USP7: variants seen among roughly 807,000 people sequenced by gnomAD.
USP7 encodes ubiquitin C-terminal hydrolase 7.
USP7 carries 9 observed loss-of-function variants against 162.9 expected under a neutral mutation model. The ratio of observed to expected loss-of-function variants is 0.06; its 90% CI spans 0.03 to 0.10. The LOEUF (loss-of-function observed/expected upper bound fraction) is 0.10. USP7 is among the 10% of genes least tolerant of loss of function. The probability of loss-of-function intolerance (pLI) is 1.00; values close to 1 mark genes in which losing one functional copy is unlikely to be tolerated. For synonymous variants in USP7, 562 were observed against 475.9 expected, an observed-to-expected ratio of 1.18 and a Z score of -2.35; for missense variants, 715 against 1,373.7, an observed-to-expected ratio of 0.52 and a Z score of 7.58.
intron 1 of USP7, among the ~76,000 whole-genome samples, chr16:8,961,510 G>GGT (rs1434841328): frequency 2.3e-5 from 3 of 132,442 alleles, no homozygotes; most frequent in Admixed American, 1.5e-4. Context: ...AAAAAGGGGG[G>GGT]GGGGGGCAAA....
At chr16:8,956,024 G>C (rs926209805) in intron 1 of USP7, among the ~76,000 whole-genome samples, 4 of 152,094 alleles carry the variant, frequency 2.6e-5, no homozygotes, top group Admixed American at 2.6e-4. Context: ...CGCAATACAA[G>C]TCACACTACC....
rs2061742919 is a variant in USP7, at chr16:8,899,596, T to G, written c.2463+8A>C. The G allele has an allele frequency of 6.2e-7, 1 of 1,613,170 alleles. No homozygotes were observed. Among genetic ancestry groups the G allele is most frequent in the Admixed American group, 1.7e-5 (1 of 59,936 alleles). On this transcript the variant is annotated splice_region_variant and intron_variant, in intron 22 of 30. Coordinates refer to ENST00000344836, the MANE Select transcript of USP7 (RefSeq NM_003470.3). ...GATCTGAAGAGGAAAGGAGCATTTATTAAATACCTGAAAATAATTCATTCT... is the reference window on the plus strand; with the variant it reads ...GATCTGAAGAGGAAAGGAGCATTTAGTAAATACCTGAAAATAATTCATTCT...
intron 13 of USP7, among the ~76,000 whole-genome samples, chr16:8,905,700 A>C (rs987513494): frequency 2.0e-5 from 3 of 152,212 alleles, no homozygotes; most frequent in African/African-American, 7.2e-5. Context: ...ACCAAACGAG[A>C]GTTCAAATTT....
rs1200678216 is a variant in USP7 at position 8,963,758 on chromosome 16, A to C, written c.-473T>G. Among the ~76,000 whole-genome samples the C allele has an allele frequency of 7.3e-6, 1 of 137,298 alleles. No individual in the cohort carries two copies. Among genetic ancestry groups the C allele is most frequent in the Non-Finnish European group, 1.6e-5 (1 of 63,060 alleles). The allele number at this position is 137,298 out of a possible 152,430, so 90.1% of individuals were successfully genotyped here. A position where few individuals can be genotyped will look rare whatever the true frequency, so the allele number is the denominator to read the frequency against. ...GCCTGCGGGCCCTGGGGCCGGCGGG[A>C]GCGGCGGAGCGGGCGGGCGACGGGC... On this transcript the variant is annotated 5_prime_UTR_variant, in exon 1 of 31. Transcript: ENST00000344836.
Position 8,893,256 on chromosome 16 carries a change from T to C in USP7, c.*742A>G, listed in dbSNP as rs1350669142. 2 of 152,252 alleles carry C rather than the reference T, an allele frequency of 1.3e-5. No individual in the cohort carries two copies. The highest frequency in any genetic ancestry group is 1.3e-4 in the Admixed American group (2 of 15,286). 9.4% of individuals were successfully genotyped at this position (152,252 alleles called of 1,614,324 possible). ...TATTTATAATCCTTTCACCTGCTCG[T>C]ATGAACTGTTGAGATCGTAAGTCTG... On this transcript the variant is annotated 3_prime_UTR_variant, in exon 31 of 31. Transcript: ENST00000344836.
At chr16:8,902,045 T>C in intron 18 of USP7, 37 bp downstream of exon 18, 2 of 1,544,106 alleles carry the variant, frequency 1.3e-6, no homozygotes, top group Non-Finnish European at 1.8e-6. Context: ...CCAACGCTAC[T>C]GCTCTAAGTG....
intron 12 of USP7, among the ~76,000 whole-genome samples, chr16:8,907,065 G>A (rs1414344925): frequency 3.3e-5 from 5 of 152,180 alleles, no homozygotes; most frequent in Non-Finnish European, 5.9e-5. Flanking sequence ...TTAGACGGGT[G>A]GGGGCTGGTC....
intron 18 of USP7, among the ~76,000 whole-genome samples, chr16:8,901,482 A>G (rs2061773412): frequency 6.6e-6 from 1 of 152,204 alleles, no homozygotes; most frequent in Admixed American, 6.5e-5. Flanking sequence ...TAGACAGTCA[A>G]GACGGTACTG....
intron 22 of USP7, 88 bp from the exon 23 acceptor site, chr16:8,899,276 G>A (rs1410391950): frequency 7.7e-6 from 10 of 1,302,256 alleles, no homozygotes; most frequent in East Asian, 2.3e-5. Context: ...AATGTGCCAT[G>A]AGCAGCCTGA....
chr16:8,959,066 T>C (rs1289228744), intron 1 of USP7, among the ~76,000 whole-genome samples: 3 of 152,202 alleles, frequency 2.0e-5, no homozygotes, highest in Non-Finnish European at 4.4e-5. Context: ...GGCAACACCA[T>C]GTGCTGAACA....
rs1246698435 is a variant in USP7 at position 8,904,299 on chromosome 16, C to T, written c.1704+136G>A. On this transcript the variant is annotated intron_variant, in intron 15 of 30. Transcript: ENST00000344836. Reference sequence around the variant, plus strand: ...CCAGAGGAGTGGGGACTGACCTGCACTTGCGTACAGAGATGGATGCCCTGC... The same window carrying T: ...CCAGAGGAGTGGGGACTGACCTGCATTTGCGTACAGAGATGGATGCCCTGC... The T allele has an allele frequency of 8.8e-6, 13 of 1,475,156 alleles. No homozygotes were observed. The African/African-American group carries it at 1.4e-4, about 16-fold the overall frequency. 91.4% of individuals were successfully genotyped at this position (1,475,156 alleles called of 1,614,324 possible). A position where few individuals can be genotyped will look rare whatever the true frequency, so the allele number is the denominator to read the frequency against.
At chr16:8,895,837 A>ATTTT in intron 26 of USP7, 96 bp from the exon 27 acceptor site, 1 of 734,928 alleles carries the variant, frequency 1.4e-6, no homozygotes, top group Non-Finnish European at 2.0e-6. Flanking sequence ...TTACCACGAT[A>ATTTT]TGTTTTTTTT....
At chr16:8,937,545 AAAT>A (rs1425810933) in intron 1 of USP7, among the ~76,000 whole-genome samples, 2 of 151,920 alleles carry the variant, frequency 1.3e-5, no homozygotes, top group African/African-American at 2.4e-5. Context: ...CTGTCTCAAA[AAAT>A]AATAAGTTGG....
intron 1 of USP7, among the ~76,000 whole-genome samples, chr16:8,940,219 C>T (rs1702858962): frequency 6.6e-6 from 1 of 152,178 alleles, no homozygotes; most frequent in Admixed American, 6.5e-5. Context: ...ATCCTATAGC[C>T]AGGTCACCTG....
chr16:8,921,079 G>T, intron 4 of USP7, 78 bp downstream of exon 4: 2 of 1,470,468 alleles, frequency 1.4e-6, no homozygotes, highest in South Asian at 1.3e-5. Flanking sequence ...ATCAATAAAG[G>T]ACTTGAAAAA....
chr16:8,933,445 G>A (rs1034460990), intron 1 of USP7, among the ~76,000 whole-genome samples: 1 of 152,140 alleles, frequency 6.6e-6, no homozygotes, highest in African/African-American at 2.4e-5. Context: ...TATTAGAAAA[G>A]GAGAGTCCTG....
chr16:8,936,528 T>C lies in USP7; in HGVS notation c.80-6131A>G. 2 of 1,472,064 alleles carry C rather than the reference T, an allele frequency of 1.4e-6. 1 individual carries two copies. The highest frequency in any genetic ancestry group is 2.8e-5 in the African/African-American group (2 of 70,610). The allele number at this position is 1,472,064 out of a possible 1,614,324, so 91.2% of individuals were successfully genotyped here. On this transcript the variant is annotated intron_variant, in intron 1 of 30. Coordinates refer to ENST00000344836, the MANE Select transcript of USP7 (RefSeq NM_003470.3). Reference sequence around the variant, plus strand: ...AAGTTTGGCTGAGACATGTCAGTATTGGTTATCTCCATCCATCACCAGCAT... The same window carrying C: ...AAGTTTGGCTGAGACATGTCAGTATCGGTTATCTCCATCCATCACCAGCAT...
chr16:8,938,739 A>AGTCT (rs1359603837), intron 1 of USP7, among the ~76,000 whole-genome samples: 1 of 151,324 alleles, frequency 6.6e-6, no homozygotes, highest in East Asian at 1.9e-4. Flanking sequence ...GGGACGGGGG[A>AGTCT]GTCTGTACCA....
chr16:8,908,682 T>G (rs1199590633), intron 11 of USP7, among the ~76,000 whole-genome samples: 1 of 152,232 alleles, frequency 6.6e-6, no homozygotes, highest in Non-Finnish European at 1.5e-5. Flanking sequence ...AGAGATTCTC[T>G]TACCTTGGAT....
Sources: allele counts gnomAD v4.1 joint callset (sites outside exome capture counted in the v4.1 genomes callset), GRCh38; gene constraint gnomAD v4.1.1; transcripts MANE v1.5; gene names NCBI Gene and HGNC (gene_info 2026-07-23, HGNC 2026-07-21).